The following HECW2 variants were observed in gnomAD, a reference collection of about 807,000 sequenced individuals.
HECW2 encodes E3 ubiquitin-protein ligase HECW2.
Under a neutral mutation model 175.2 loss-of-function variants are expected in HECW2, and 61 were observed. The observed-to-expected ratio is 0.35, with a 90% CI of 0.28 to 0.43. The LOEUF (loss-of-function observed/expected upper bound fraction) is 0.43. HECW2 is among the 20% of genes least tolerant of loss of function. The pLI, the probability that HECW2 is intolerant of heterozygous loss-of-function variation, is 1.00. For synonymous variants in HECW2, 671 were observed against 731.0 expected (o/e 0.92, Z 1.32); for missense variants, 1,524 against 2,000.5 (o/e 0.76, Z 4.54).
At chr2:196,407,920 T>C (rs1695007560) in intron 2 of HECW2, among the ~76,000 whole-genome samples, 1 of 152,218 alleles carries the variant, frequency 6.6e-6, no homozygotes, top group African/African-American at 2.4e-5. Flanking sequence ...CAGAGCCAAG[T>C]CTTCTTCTCC....
chr2:196,378,882 T>C (rs1694124400), intron 2 of HECW2, among the ~76,000 whole-genome samples: 2 of 152,198 alleles, frequency 1.3e-5, no homozygotes, highest in African/African-American at 4.8e-5. Flanking sequence ...CTAATCAATC[T>C]TAGCATCACG....
Position 196,271,248 on chromosome 2 carries a change from T to C in HECW2, c.3280A>G (p.Ile1094Val), listed in dbSNP as rs377305091. ...TGACGCTCCTGTAGAATTTCAAAGA[T>C]ATTGGGTTGACGTAGAAATGCAACA... ...KIVAFLRQPN[I>V]FEILQERQPD... Residue 1094 changes from isoleucine to valine, a missense_variant, in exon 17 of 29, where the codon ATC (isoleucine) becomes GTC (valine). This residue lies in a region of HECW2 where 291 missense variants were observed against 412.2 expected (regional missense o/e 0.71). Transcript: ENST00000644978. The C allele has an allele frequency of 5.0e-6, 8 of 1,612,108 alleles. No individual in the cohort carries two copies. The highest frequency in any genetic ancestry group is 4.4e-5 in the South Asian group (4 of 91,034).
intron 2 of HECW2, among the ~76,000 whole-genome samples, chr2:196,415,710 A>G (rs1695237473): frequency 6.6e-6 from 1 of 152,228 alleles, no homozygotes; most frequent in Non-Finnish European, 1.5e-5. Flanking sequence ...TGGCCTCTTA[A>G]AAGGAAGGAC....
At chr2:196,281,051 G>A (rs908705663) in intron 14 of HECW2, among the ~76,000 whole-genome samples, 2 of 152,142 alleles carry the variant, frequency 1.3e-5, no homozygotes, top group Admixed American at 1.3e-4. Context: ...GTACAATGAT[G>A]CACTTGTAAT....
At chr2:196,404,219 G>A (rs144721361) in intron 2 of HECW2, among the ~76,000 whole-genome samples, 5 of 152,228 alleles carry the variant, frequency 3.3e-5, no homozygotes, top group Middle Eastern at 3.4e-3. Context: ...GAGACTGGGC[G>A]TAAGTCCCAT....
At chr2:196,525,358 A>G in intron 1 of HECW2, among the ~76,000 whole-genome samples, 1 of 127,506 alleles carries the variant, frequency 7.8e-6, no homozygotes, top group Admixed American at 8.1e-5. Context: ...TTTTATTTTG[A>G]GCCTATGTGT....
chr2:196,518,548 G>A (rs765019798), intron 1 of HECW2, among the ~76,000 whole-genome samples: 7 of 151,354 alleles, frequency 4.6e-5, no homozygotes, highest in Non-Finnish European at 8.8e-5. Context: ...CCAGCTACTC[G>A]GGAGGCGGAG....
chr2:196,417,526 A>G (rs577196521), intron 2 of HECW2, among the ~76,000 whole-genome samples: 17 of 152,198 alleles, frequency 1.1e-4, no homozygotes, highest in Non-Finnish European at 1.8e-4. Flanking sequence ...GTGATCCTCC[A>G]GCCTCAGCCT....
intron 27 of HECW2, among the ~76,000 whole-genome samples, chr2:196,216,644 C>T (rs916537437): frequency 1.3e-5 from 2 of 152,074 alleles, no homozygotes; most frequent in African/African-American, 4.8e-5. Context: ...AACTGCATCC[C>T]TTTTTAAAGA....
intron 1 of HECW2, among the ~76,000 whole-genome samples, chr2:196,449,437 G>A (rs1382660093): frequency 6.6e-6 from 1 of 152,168 alleles, no homozygotes; most frequent in East Asian, 1.9e-4. Flanking sequence ...TAGATAATTA[G>A]ATAATCCTTA....
At chr2:196,504,368 T>C (rs1209835275) in intron 1 of HECW2, among the ~76,000 whole-genome samples, 2 of 150,896 alleles carry the variant, frequency 1.3e-5, no homozygotes, top group African/African-American at 4.9e-5. Context: ...GACCCTGTTA[T>C]GCCCAACCCC....
At chr2:196,344,532 C>T (rs1450609634) in intron 2 of HECW2, among the ~76,000 whole-genome samples, 1 of 151,990 alleles carries the variant, frequency 6.6e-6, no homozygotes, top group South Asian at 2.1e-4. Flanking sequence ...GATGCTCTGG[C>T]TTCCTCAGAC....
In HECW2 at chr2:196,328,029, G is replaced by A. The variant is rs554872812; in HGVS notation, c.571+1546C>T. On this transcript the variant is annotated intron_variant, in intron 5 of 28. Coordinates refer to ENST00000644978, the MANE Select transcript of HECW2 (RefSeq NM_001348768.2). The stretch of plus-strand genomic sequence containing the variant: ...ATAATTTTAAACTAAGAAACCCATG[G>A]TTTATATCAAAACATCATGCTGTAC... 3.6e-4 allele frequency among the ~76,000 whole-genome samples: 55 copies of A among 151,620 alleles called. 1 individual carries two copies. The South Asian group carries it at 7.5e-3, about 21-fold the overall frequency.
At chr2:196,479,382 G>A (rs1344646978) in intron 1 of HECW2, among the ~76,000 whole-genome samples, 1 of 152,220 alleles carries the variant, frequency 6.6e-6, no homozygotes, top group Non-Finnish European at 1.5e-5. Flanking sequence ...CATCAGTAAG[G>A]AGTTTCCAAT....
intron 2 of HECW2, among the ~76,000 whole-genome samples, chr2:196,431,919 A>G (rs2125269050): frequency 6.6e-6 from 1 of 152,366 alleles, no homozygotes; most frequent in East Asian, 1.9e-4. Context: ...AGTCAATATA[A>G]AATTCTTTAT....
At chr2:196,493,982 C>T (rs571990353) in intron 1 of HECW2, among the ~76,000 whole-genome samples, 1 of 152,110 alleles carries the variant, frequency 6.6e-6, no homozygotes, top group Non-Finnish European at 1.5e-5. Flanking sequence ...GGATAAATTG[C>T]GCTAGAAACA....
intron 2 of HECW2, among the ~76,000 whole-genome samples, chr2:196,387,479 C>T (rs1221308278): frequency 6.6e-6 from 1 of 152,056 alleles, no homozygotes; most frequent in Non-Finnish European, 1.5e-5. Context: ...CACTGGACAC[C>T]GAATCTGCTG....
chr2:196,329,337 C>T (rs1692270067), intron 5 of HECW2, among the ~76,000 whole-genome samples: 2 of 152,078 alleles, frequency 1.3e-5, no homozygotes, highest in Non-Finnish European at 2.9e-5. Flanking sequence ...AGTAACTATA[C>T]ATAGTTATAT....
intron 2 of HECW2, among the ~76,000 whole-genome samples, chr2:196,431,018 G>A (rs1241541875): frequency 6.6e-6 from 1 of 151,956 alleles, no homozygotes; most frequent in Non-Finnish European, 1.5e-5. Context: ...AAGATAAAGA[G>A]AAAAATCTTG....
Sources: gnomAD v4.1 joint callset for allele counts (sites outside exome capture counted in the v4.1 genomes callset) on GRCh38, gnomAD v4.1.1 for gene constraint, gnomAD v4.1.1 regional missense constraint, MANE v1.5 for transcripts, NCBI Gene and HGNC (gene_info 2026-07-23, HGNC 2026-07-21) for gene names.